The following INTS9 variants were observed in gnomAD, a reference collection of about 807,000 sequenced individuals.
The protein encoded by INTS9 is protein related to CPSF subunits of 74 kDa.
Under a neutral mutation model 79.7 loss-of-function variants are expected in INTS9, and 55 were observed. The ratio of observed to expected loss-of-function variants is 0.69; its 90% confidence interval spans 0.56 to 0.86. The LOEUF (loss-of-function observed/expected upper bound fraction) is 0.86, where lower values mean the gene tolerates loss of function less well. INTS9 is among the 40% of genes least tolerant of loss of function. The probability of loss-of-function intolerance (pLI) is 0.00; values close to 1 mark genes in which losing one functional copy is unlikely to be tolerated. For missense variants in INTS9, 721 were observed against 831.5 expected, an observed-to-expected ratio of 0.87 and a Z score of 1.64; for synonymous variants, 319 against 325.2, an observed-to-expected ratio of 0.98 and a Z score of 0.20.
chr8:28,823,013 G>C (rs931755046), intron 6 of INTS9, among the ~76,000 whole-genome samples: 2 of 152,118 alleles, frequency 1.3e-5, no homozygotes, highest in African/African-American at 4.8e-5. Context: ...AGAAGTCTTC[G>C]GGATAATGGT....
At chr8:28,838,895 T>C (rs1040845943) in intron 4 of INTS9, among the ~76,000 whole-genome samples, 1 of 152,206 alleles carries the variant, frequency 6.6e-6, no homozygotes, top group Non-Finnish European at 1.5e-5. Context: ...GTGACTCCTC[T>C]GTCCCCTCCC....
chr8:28,804,663 A>G lies in INTS9; in HGVS notation c.744+7664T>C, dbSNP rs576806867. 3.9e-5 allele frequency among the ~76,000 whole-genome samples: 6 copies of G among 152,320 alleles called. No homozygotes were observed. The South Asian group carries it at 6.2e-4, about 16-fold the overall frequency. ...GTCAAGCAAGAAGAGCTCACAGGGA[A>G]TCAAACAAGAACACCAAGGAAGGCA... On this transcript the variant is annotated intron_variant, in intron 8 of 16. Transcript: ENST00000521022.
chr8:28,833,601 C>G (rs2131166645), intron 6 of INTS9, among the ~76,000 whole-genome samples: 1 of 146,214 alleles, frequency 6.8e-6, no homozygotes, highest in East Asian at 2.0e-4. Flanking sequence ...GCCTGGGCGA[C>G]AGAGTTAGAC....
intron 11 of INTS9, among the ~76,000 whole-genome samples, chr8:28,786,851 G>A (rs1388885055): frequency 6.6e-6 from 1 of 152,128 alleles, no homozygotes; most frequent in East Asian, 1.9e-4. Flanking sequence ...CCGAGCAGTT[G>A]TGACTACAGG....
intron 7 of INTS9, among the ~76,000 whole-genome samples, chr8:28,812,919 C>A (rs1052065193): frequency 1.7e-4 from 26 of 152,180 alleles, no homozygotes; most frequent in African/African-American, 6.3e-4. Flanking sequence ...GATCAACTGG[C>A]AGACAAAGAA....
chr8:28,871,140 G>A (rs1809069147), intron 1 of INTS9, among the ~76,000 whole-genome samples: 1 of 152,142 alleles, frequency 6.6e-6, no homozygotes, highest in Non-Finnish European at 1.5e-5. Flanking sequence ...TAAGTTAGGA[G>A]TCAGCAAAGG....
intron 1 of INTS9, among the ~76,000 whole-genome samples, chr8:28,889,614 G>A (rs550348803): frequency 2.0e-4 from 31 of 152,240 alleles, no homozygotes; most frequent in Admixed American, 1.4e-3. Flanking sequence ...CATGGGCGAA[G>A]GACTGTGACA....
At chr8:28,768,598 T>G (rs1292731671) in intron 16 of INTS9, among the ~76,000 whole-genome samples, 1 of 152,228 alleles carries the variant, frequency 6.6e-6, no homozygotes, top group Non-Finnish European at 1.5e-5. Context: ...TTCAGGAGTC[T>G]GGGACGCTCA....
At chr8:28,862,230 T>C in intron 1 of INTS9, 6 of 983,416 alleles carry the variant, frequency 6.1e-6, no homozygotes, top group Non-Finnish European at 7.2e-6. Flanking sequence ...ACAAAACCAG[T>C]AAGTAATTAT....
intron 1 of INTS9, chr8:28,861,979 C>T: frequency 3.5e-6 from 2 of 574,676 alleles, no homozygotes; most frequent in Non-Finnish European, 2.2e-6. Flanking sequence ...GCTGAAGACA[C>T]ACAGCGAGGT....
At chr8:28,815,988 G>C (rs1805447959) in intron 6 of INTS9, among the ~76,000 whole-genome samples, 1 of 151,914 alleles carries the variant, frequency 6.6e-6, no homozygotes, top group African/African-American at 2.4e-5. Context: ...AAAAGAACAA[G>C]TGACTTACAA....
chr8:28,876,826 C>G (rs1019479875), intron 1 of INTS9, among the ~76,000 whole-genome samples: 3 of 151,840 alleles, frequency 2.0e-5, no homozygotes, highest in Non-Finnish European at 4.4e-5. Flanking sequence ...GAAAACCACA[C>G]AGGAAAAGAT....
chr8:28,876,594 A>T (rs1289351851), intron 1 of INTS9, among the ~76,000 whole-genome samples: 2 of 152,194 alleles, frequency 1.3e-5, no homozygotes, highest in Non-Finnish European at 2.9e-5. Flanking sequence ...TGCCCACTCT[A>T]ATCAGAAATA....
At chr8:28,778,455 G>C (rs1207503306) in intron 12 of INTS9, among the ~76,000 whole-genome samples, 1 of 152,170 alleles carries the variant, frequency 6.6e-6, no homozygotes, top group Non-Finnish European at 1.5e-5. Context: ...ACAGACCCGG[G>C]AACCTAGAAT....
intron 4 of INTS9, among the ~76,000 whole-genome samples, chr8:28,845,430 A>G (rs570345324): frequency 5.3e-4 from 80 of 152,236 alleles, no homozygotes; most frequent in Non-Finnish European, 1.0e-3. Context: ...AAAAATGTAT[A>G]TGGCTCTAGA....
At chr8:28,811,525 G>A (rs777010804) in intron 8 of INTS9, among the ~76,000 whole-genome samples, 19 of 151,858 alleles carry the variant, frequency 1.3e-4, no homozygotes, top group Non-Finnish European at 2.4e-4. Context: ...AGGCTCAAGC[G>A]ATCCTTCTGC....
intron 8 of INTS9, among the ~76,000 whole-genome samples, chr8:28,799,178 C>A (rs1421981320): frequency 1.3e-5 from 2 of 152,120 alleles, no homozygotes; most frequent in African/African-American, 2.4e-5. Context: ...CACCTGTAAT[C>A]CCACCTACTC....
chr8:28,879,666 T>C (rs1312340904), intron 1 of INTS9, among the ~76,000 whole-genome samples: 1 of 152,112 alleles, frequency 6.6e-6, no homozygotes, highest in Non-Finnish European at 1.5e-5. Flanking sequence ...ACAATTCAAA[T>C]GTCCATCACC....
chr8:28,785,749 G>T (rs759677923), intron 11 of INTS9, among the ~76,000 whole-genome samples: 1 of 152,126 alleles, frequency 6.6e-6, no homozygotes, highest in South Asian at 2.1e-4. Context: ...TGGAAGATAC[G>T]TATGTGCACA....
Sources: gnomAD v4.1 joint callset for allele counts (sites outside exome capture counted in the v4.1 genomes callset) on GRCh38, gnomAD v4.1.1 for gene constraint, MANE v1.5 for transcripts, NCBI Gene and HGNC (gene_info 2026-07-23, HGNC 2026-07-21) for gene names.